MAP7: variants seen among roughly 807,000 people sequenced by gnomAD.
MAP7 encodes microtubule associated protein 7.
MAP7 carries 52 observed loss-of-function variants against 94.8 expected under a neutral mutation model. The ratio of observed to expected loss-of-function variants is 0.55; its 90% CI spans 0.44 to 0.69. MAP7 has a LOEUF of 0.69. Among genes scored for constraint, MAP7 ranks in the 30% least tolerant of loss-of-function variants. MAP7 has a pLI of 0.00. For missense variants in MAP7, 940 were observed against 964.6 expected (o/e 0.97, Z 0.34); for synonymous variants, 350 against 357.0 (o/e 0.98, Z 0.22).
chr6:136,418,206 GGTTT>G (rs372990678), intron 2 of MAP7, among the ~76,000 whole-genome samples: 129 of 152,120 alleles, frequency 8.5e-4, no homozygotes, highest in African/African-American at 2.2e-3. Flanking sequence ...TCTGTAATGT[GGTTT>G]GTTTGTTTGT....
chr6:136,395,392 C>A (rs1262489638), intron 3 of MAP7, among the ~76,000 whole-genome samples: 1 of 140,512 alleles, frequency 7.1e-6, no homozygotes, highest in Non-Finnish European at 1.5e-5. Flanking sequence ...AGATCATTTG[C>A]CCATTTTTAA....
intron 8 of MAP7, among the ~76,000 whole-genome samples, chr6:136,367,663 A>G (rs531874049): frequency 3.3e-3 from 504 of 152,324 alleles, no homozygotes; most frequent in Non-Finnish European, 5.2e-3. Context: ...AGAGCTTCAC[A>G]AGGTGTGTGC....
intron 3 of MAP7, among the ~76,000 whole-genome samples, chr6:136,394,944 A>G (rs1781934591): frequency 1.0e-5 from 1 of 100,032 alleles, no homozygotes; most frequent in Non-Finnish European, 2.0e-5. Flanking sequence ...ATATATATAT[A>G]TATATATATA....
chr6:136,466,920 G>C, intron 1 of MAP7: 4 of 1,440,942 alleles, frequency 2.8e-6, no homozygotes, highest in Non-Finnish European at 3.6e-6. Context: ...CTCTCACACA[G>C]CTTGAGGTAG....
intron 1 of MAP7, among the ~76,000 whole-genome samples, chr6:136,498,533 G>A (rs548873509): frequency 2.6e-5 from 4 of 152,216 alleles, no homozygotes; most frequent in East Asian, 1.9e-4. Flanking sequence ...AGACTCAGGT[G>A]TTCACATGCA....
At chr6:136,392,310 C>T (rs2128672487) in intron 3 of MAP7, among the ~76,000 whole-genome samples, 1 of 151,536 alleles carries the variant, frequency 6.6e-6, no homozygotes, top group East Asian at 1.9e-4. Flanking sequence ...ACCTCCTCAG[C>T]TCAAGGGATC....
At chr6:136,465,583 T>A (rs1453389994) in intron 1 of MAP7, among the ~76,000 whole-genome samples, 9 of 152,204 alleles carry the variant, frequency 5.9e-5, no homozygotes. Context: ...CTTTAATGTA[T>A]ATACAACCCT....
At chr6:136,494,823 C>T (rs1343914297) in intron 1 of MAP7, among the ~76,000 whole-genome samples, 1 of 152,176 alleles carries the variant, frequency 6.6e-6, no homozygotes, top group Non-Finnish European at 1.5e-5. Context: ...GTGTCAAATC[C>T]TATGCATTAA....
In MAP7 at chr6:136,411,684, C is replaced by T. The variant is rs1425385110; in HGVS notation, c.180G>A (p.Val60=). 6.4e-7 allele frequency: 1 copy of T among 1,565,324 alleles called. No individual in the cohort carries two copies. Among genetic ancestry groups the T allele is most frequent in the South Asian group, 1.2e-5 (1 of 85,240 alleles). The change falls in exon 3 of 18, where the codon GTG becomes GTA. Residue 60 remains valine, a synonymous_variant. Coordinates refer to ENST00000354570, the MANE Select transcript of MAP7 (RefSeq NM_003980.6). ...GCCGCTGCCGGTCATCAACACGTAA[C>T]ACAGGCGGAGGGTCTGAAAGCGAGA... The part of the protein sequence containing the change: ...HSGNKPDPPP[V]LRVDDRQRLA...
At chr6:136,432,624 T>C (rs753414240) in intron 1 of MAP7, among the ~76,000 whole-genome samples, 1 of 152,182 alleles carries the variant, frequency 6.6e-6, no homozygotes, top group Non-Finnish European at 1.5e-5. Context: ...ATACTTAGTA[T>C]TCTAAGGTCC....
intron 1 of MAP7, among the ~76,000 whole-genome samples, chr6:136,467,756 C>A (rs1333757299): frequency 6.6e-6 from 1 of 152,168 alleles, no homozygotes; most frequent in Non-Finnish European, 1.5e-5. Flanking sequence ...CATTTAAAAA[C>A]ATGTGACTTG....
chr6:136,377,526 G>A (rs1041841811), intron 7 of MAP7, among the ~76,000 whole-genome samples: 9 of 152,212 alleles, frequency 5.9e-5, no homozygotes, highest in African/African-American at 1.9e-4. Context: ...GAAGCCATCG[G>A]AGCCCGGGGA....
At chr6:136,492,677 A>G (rs1816975852) in intron 1 of MAP7, among the ~76,000 whole-genome samples, 1 of 152,214 alleles carries the variant, frequency 6.6e-6, no homozygotes, top group Non-Finnish European at 1.5e-5. Context: ...TAAAAGAATA[A>G]AATACAGAAA....
chr6:136,538,146 G>A (rs116757904), intron 1 of MAP7, among the ~76,000 whole-genome samples: 1 of 152,190 alleles, frequency 6.6e-6, no homozygotes, highest in African/African-American at 2.4e-5. Context: ...TTCTTAGTGA[G>A]AAATGTGCCT....
chr6:136,529,126 C>CCTGAACT (rs1244949981), intron 1 of MAP7, among the ~76,000 whole-genome samples: 7 of 152,022 alleles, frequency 4.6e-5, no homozygotes, highest in Non-Finnish European at 5.9e-5. Flanking sequence ...ACTCTGAATT[C>CCTGAACT]CTGAACTCTT....
At position 136,343,503 on chromosome 6, in the gene MAP7, A is replaced by G. The variant is rs1203884225; in HGVS notation, c.*725T>C. On this transcript the variant is annotated 3_prime_UTR_variant, in exon 18 of 18. Coordinates refer to ENST00000354570, the MANE Select transcript of MAP7 (RefSeq NM_003980.6). ...CAAATTAAATTTGTAATGTTGTCAC[A>G]TTATTCTAATTTATTTGATTAGTTT... 1.3e-5 allele frequency: 2 copies of G among 152,646 alleles called. No individual in the cohort carries two copies. Among genetic ancestry groups the G allele is most frequent in the Admixed American group, 1.3e-4 (2 of 15,280 alleles). 9.5% of individuals were successfully genotyped at this position (152,646 alleles called of 1,614,324 possible).
chr6:136,349,857 A>G (rs533245889), intron 16 of MAP7, among the ~76,000 whole-genome samples: 17 of 152,212 alleles, frequency 1.1e-4, no homozygotes, highest in African/African-American at 3.6e-4. Flanking sequence ...GGTTCAGGAT[A>G]CTTCTGGTAC....
intron 1 of MAP7, among the ~76,000 whole-genome samples, chr6:136,533,657 C>T (rs1009455602): frequency 6.6e-6 from 1 of 152,176 alleles, no homozygotes; most frequent in Admixed American, 6.5e-5. Context: ...GTATTTGCTT[C>T]TGTTGAGGGC....
At chr6:136,430,554 T>A (rs1034822665) in intron 1 of MAP7, among the ~76,000 whole-genome samples, 1 of 152,224 alleles carries the variant, frequency 6.6e-6, no homozygotes, top group Non-Finnish European at 1.5e-5. Context: ...AAATTAATCA[T>A]CTCTCCTCTG....
Sources: allele counts gnomAD v4.1 joint callset (sites outside exome capture counted in the v4.1 genomes callset), GRCh38; gene constraint gnomAD v4.1.1; transcripts MANE v1.5; gene names NCBI Gene and HGNC (gene_info 2026-07-23, HGNC 2026-07-21).